The following SALL4 variants were observed in gnomAD, a reference collection of about 807,000 sequenced individuals.
SALL4 encodes spalt like transcription factor 4, also known as sal-like protein 4.
A neutral mutation model predicts 60.8 loss-of-function variants in SALL4; 4 were observed. That is an observed-to-expected ratio of 0.07 (90% confidence interval 0.03 to 0.15). SALL4 has a LOEUF of 0.15. SALL4 is among the 10% of genes least tolerant of loss of function. SALL4 has a pLI of 1.00. For synonymous variants in SALL4, 580 were observed against 574.9 expected, an observed-to-expected ratio of 1.01 and a Z score of -0.13; for missense variants, 1,178 against 1,394.7, an observed-to-expected ratio of 0.84 and a Z score of 2.48.
In SALL4 at chr20:51,784,581, A is replaced by G. The variant is rs549557742; in HGVS notation, c.2846T>C (p.Val949Ala). The change falls in exon 4 of 4, where the codon GTC becomes GCC. Residue 949 changes from valine to alanine, a missense_variant. Coordinates refer to ENST00000217086, the MANE Select transcript of SALL4 (RefSeq NM_020436.5). ...GATTTCCTTGGGAAAGATTTCTGAG[A>G]CTCTTTTTCCGTCCGTACCTAACAG... ...MALLGTDGKR[V>A]SEIFPKEILA... 1.9e-6 allele frequency: 3 copies of G among 1,612,690 alleles called. No individual in the cohort carries two copies. The highest frequency in any genetic ancestry group is 4.5e-5 in the East Asian group (2 of 44,828).
intron 1 of SALL4, among the ~76,000 whole-genome samples, chr20:51,794,180 G>A (rs1601173962): frequency 6.6e-6 from 1 of 152,226 alleles, no homozygotes; most frequent in Non-Finnish European, 1.5e-5. Flanking sequence ...CAAAGCAGGG[G>A]TTGGGGACCC....
Position 51,792,712 on chromosome 20 carries a change from C to CAAAAAAA in SALL4, c.131-361_131-360insTTTTTTT, listed in dbSNP as rs1568866688. 12 of 519,498 alleles carry CAAAAAAA rather than the reference C, an allele frequency of 2.3e-5. No homozygotes were observed. In the East Asian group the frequency reaches 6.4e-4, roughly 28 times the overall value. The allele number at this position is 519,498 out of a possible 1,614,324, so 32.2% of individuals were successfully genotyped here. On this transcript the variant is annotated intron_variant, in intron 1 of 3. Coordinates refer to ENST00000217086, the MANE Select transcript of SALL4 (RefSeq NM_020436.5). The stretch of plus-strand genomic sequence containing the variant: ...TCAAAAAAAAAAAAAAAAAAAAAGG[C>CAAAAAAA]AAAAAGGCTGATCCCTGAATTTCTT...
rs1568857692 is a variant in SALL4 at position 51,782,373 on chromosome 20, C to A, written c.*1892G>T. 6.6e-6 allele frequency: 1 copy of A among 151,976 alleles called. No individual in the cohort carries two copies. The allele number at this position is 151,976 out of a possible 1,614,324, so 9.4% of individuals were successfully genotyped here. On this transcript the variant is annotated 3_prime_UTR_variant, in exon 4 of 4. Transcript: ENST00000217086. ...CAAATTTTATTTTCCAACAGACAGA[C>A]AGCATCAGCAGGTACAACTACAGGG... is the stretch of plus-strand genomic sequence containing the variant.
chr20:51,789,745 C>T (rs2078020826), intron 2 of SALL4, among the ~76,000 whole-genome samples: 1 of 152,080 alleles, frequency 6.6e-6, no homozygotes. Context: ...GACTACCCAC[C>T]CCTATGTCCC....
intron 1 of SALL4, among the ~76,000 whole-genome samples, chr20:51,797,785 C>A (rs1191276213): frequency 6.8e-6 from 1 of 146,082 alleles, no homozygotes; most frequent in African/African-American, 2.6e-5. Context: ...GTAAACCCAG[C>A]AGGGGTCTTA....
chr20:51,792,117 G>A lies in SALL4; in HGVS notation c.366C>T (p.His122=). 6.2e-7 allele frequency: 1 copy of A among 1,614,176 alleles called. No homozygotes were observed. The highest frequency in any genetic ancestry group is 2.2e-5 in the East Asian group (1 of 44,878). The part of the protein sequence containing the change: ...SEDFSGAVLS[H]QPTSPGSKDC... ...CCTTACTGCCGGGACTGGTGGGCTG[G>A]TGGCTCAGTACAGCTCCGGAGAAGT... Residue 122 remains histidine (H), a synonymous_variant, in exon 2 of 4, where the codon CAC becomes CAT. Coordinates refer to ENST00000217086, the MANE Select transcript of SALL4 (RefSeq NM_020436.5).
chr20:51,798,002 A>G (rs1397709599), intron 1 of SALL4, among the ~76,000 whole-genome samples: 1 of 152,146 alleles, frequency 6.6e-6, no homozygotes, highest in Non-Finnish European at 1.5e-5. Flanking sequence ...TCTAAAGCAC[A>G]CAACATCTTC....
At position 51,802,332 on chromosome 20, in the gene SALL4, TGCTGCTGCG is replaced by T. The variant is rs2078116069; in HGVS notation, c.68_76del (p.Pro23_Gln25del). 1 of 1,610,878 alleles carries T rather than the reference TGCTGCTGCG, an allele frequency of 6.2e-7. No homozygotes were observed. The highest frequency in any genetic ancestry group is 1.1e-5 in the South Asian group (1 of 90,998). ...GGCCGCATCTGCAAACTCCGGGGTC[TGCTGCTGCG>T]GCTGCTGCTCGCCCTGGTCCTCCTC... On this transcript the variant is annotated inframe_deletion, in exon 1 of 4. Transcript: ENST00000217086.
Position 51,792,712 on chromosome 20 carries a change from C to CAAAAAAAA in SALL4, c.131-361_131-360insTTTTTTTT, listed in dbSNP as rs1568866688. 1.3e-5 allele frequency: 7 copies of CAAAAAAAA among 519,512 alleles called. 1 individual carries two copies. The African/African-American group carries it at 1.5e-4, about 11-fold the overall frequency. The allele number at this position is 519,512 out of a possible 1,614,324, so 32.2% of individuals were successfully genotyped here. On this transcript the variant is annotated intron_variant, in intron 1 of 3. Coordinates refer to ENST00000217086, the MANE Select transcript of SALL4 (RefSeq NM_020436.5). Reference sequence around the variant, plus strand: ...TCAAAAAAAAAAAAAAAAAAAAAGGCAAAAAGGCTGATCCCTGAATTTCTT... The same window carrying CAAAAAAAA: ...TCAAAAAAAAAAAAAAAAAAAAAGGCAAAAAAAAAAAAAGGCTGATCCCTGAATTTCTT...
rs1313437489 is a variant in SALL4, at chr20:51,801,578, A to C, written c.130+701T>G. The C allele has an allele frequency of 2.0e-5, 3 of 152,484 alleles. No homozygotes were observed. Among genetic ancestry groups the C allele is most frequent in the Non-Finnish European group, 4.4e-5 (3 of 68,254 alleles). 9.4% of individuals were successfully genotyped at this position (152,484 alleles called of 1,614,324 possible). ...CCGAAAGGTTAGGGCGAAGATCGGC[A>C]GGCGGCGCAGCCCGGGCAGAAAAGG... is the stretch of plus-strand genomic sequence containing the variant. On this transcript the variant is annotated intron_variant, in intron 1 of 3. Coordinates refer to ENST00000217086, the MANE Select transcript of SALL4 (RefSeq NM_020436.5). This position sits in a 1 kb window ranked among gnomAD's most constrained non-coding sequence, Gnocchi z 5.2.
intron 1 of SALL4, among the ~76,000 whole-genome samples, chr20:51,799,538 A>G (rs2078097899): frequency 6.6e-6 from 1 of 152,232 alleles, no homozygotes; most frequent in African/African-American, 2.4e-5. Context: ...GCACATTTTT[A>G]TTCAACAAAA....
At position 51,790,455 on chromosome 20, in the gene SALL4, G is replaced by A. The variant is rs755057820; in HGVS notation, c.2028C>T (p.Asn676=). ...TGSEPMTVGE[N]GSTGAICHDD... The stretch of plus-strand genomic sequence containing the variant: ...CATGGCAGATAGCGCCGGTGCTGCC[G>A]TTCTCACCCACGGTCATTGGCTCAG... The change falls in exon 2 of 4, where the codon AAC becomes AAT. Residue 676 remains asparagine (N), a synonymous_variant. Coordinates refer to ENST00000217086, the MANE Select transcript of SALL4 (RefSeq NM_020436.5). This position sits in a 1 kb window ranked among gnomAD's most constrained non-coding sequence, Gnocchi z 5.5. 6.0e-5 allele frequency: 97 copies of A among 1,614,100 alleles called. 1 individual carries two copies. The Admixed American group carries it at 1.1e-3, about 18-fold the overall frequency.
chr20:51,785,891 C>A (rs1266397420), intron 3 of SALL4, among the ~76,000 whole-genome samples: 1 of 151,922 alleles, frequency 6.6e-6, no homozygotes, highest in Non-Finnish European at 1.5e-5. Flanking sequence ...GTCCGCCTGC[C>A]TCGGCCTCCC....
intron 1 of SALL4, among the ~76,000 whole-genome samples, chr20:51,795,672 G>A (rs2122972765): frequency 6.6e-6 from 1 of 151,876 alleles, no homozygotes; most frequent in East Asian, 1.9e-4. Context: ...GCTGGTACGA[G>A]TGTATAGACA....
Position 51,784,653 on chromosome 20 carries a change from T to G in SALL4, c.2774A>C (p.Asn925Thr). Residue 925 changes from asparagine (N) to threonine (T), a missense_variant, in exon 4 of 4, where the codon AAC (asparagine) becomes ACC (threonine). Asn to Thr is a moderately conservative substitution (Grantham distance 65, BLOSUM62 0). Around this residue, in one of 5 missense-constraint regions of SALL4, gnomAD observed 174 missense variants for 169.6 expected, o/e 1.03. Coordinates refer to ENST00000217086, the MANE Select transcript of SALL4 (RefSeq NM_020436.5). Reference protein sequence around the residue: ...VHYMTHGANNNSARRGRKLAI... With the variant: ...VHYMTHGANNTSARRGRKLAI... ...CAACTTCCTTCCACGGCGGGCTGAG[T>G]TATTGTTCGCCCCGTGTGTCATGTA... 2 of 1,614,160 alleles carry G rather than the reference T, an allele frequency of 1.2e-6. No homozygotes were observed. The highest frequency in any genetic ancestry group is 1.7e-6 in the Non-Finnish European group (2 of 1,180,036).
At position 51,788,323 on chromosome 20, in the gene SALL4, TTGTGTGTGTGTGTGTGTGTG is replaced by T. The variant is rs3030173; in HGVS notation, c.2742+518_2742+537del. ...GCATGCAACACCATGCCCAACTAAT[TTGTGTGTGTGTGTGTGTGTG>T]TGTGTGTGTGTGTGTAAAGACGTTG... On this transcript the variant is annotated intron_variant, in intron 3 of 3. Coordinates refer to ENST00000217086, the MANE Select transcript of SALL4 (RefSeq NM_020436.5). The surrounding 1 kb of genome is among the most constrained non-coding windows in gnomAD (Gnocchi z 4.1). Among the ~76,000 whole-genome samples, 10 of 141,838 alleles carry T rather than the reference TTGTGTGTGTGTGTGTGTGTG, an allele frequency of 7.1e-5. No homozygotes were observed. The Admixed American group carries it at 7.1e-4, about 10-fold the overall frequency. The allele number at this position is 141,838 out of a possible 152,430, so 93.1% of individuals were successfully genotyped here. A position where few individuals can be genotyped will look rare whatever the true frequency, so the allele number is the denominator to read the frequency against.
At chr20:51,800,133 T>G (rs1308898341) in intron 1 of SALL4, among the ~76,000 whole-genome samples, 1 of 152,098 alleles carries the variant, frequency 6.6e-6, no homozygotes, top group Non-Finnish European at 1.5e-5. Flanking sequence ...TTACCAAGAA[T>G]TCCACACTTG....
intron 1 of SALL4, among the ~76,000 whole-genome samples, chr20:51,793,653 T>G (rs927684715): frequency 1.3e-5 from 2 of 152,126 alleles, no homozygotes; most frequent in Non-Finnish European, 2.9e-5. Flanking sequence ...GGTCTCAAAC[T>G]CCTGGGTGCA....
chr20:51,785,365 G>T (rs1194276376), intron 3 of SALL4, among the ~76,000 whole-genome samples: 1 of 152,188 alleles, frequency 6.6e-6, no homozygotes, highest in Non-Finnish European at 1.5e-5. Context: ...CTGAAAGTGA[G>T]AAACAGAATG....
Sources: gnomAD v4.1 joint callset for allele counts (sites outside exome capture counted in the v4.1 genomes callset) on GRCh38, gnomAD v4.1.1 for gene constraint, gnomAD v4.1.1 regional missense constraint, Gnocchi (gnomAD v3.1) non-coding constraint, MANE v1.5 for transcripts, NCBI Gene and HGNC (gene_info 2026-07-23, HGNC 2026-07-21) for gene names.